Variants in SNTG1 observed in about 807,000 individuals in gnomAD.
The protein encoded by SNTG1 is syntrophin gamma 1, also known as gamma-1-syntrophin.
In SNTG1, 39 loss-of-function variants were observed where a neutral mutation model predicts 74.7. The ratio of observed to expected loss-of-function variants is 0.52; its 90% CI spans 0.40 to 0.68. The LOEUF (loss-of-function observed/expected upper bound fraction) is 0.68, where lower values mean the gene tolerates loss of function less well. Among genes scored for constraint, SNTG1 ranks in the 30% least tolerant of loss-of-function variants. The probability of loss-of-function intolerance (pLI) is 0.00; values close to 1 mark genes in which losing one functional copy is unlikely to be tolerated. For synonymous variants in SNTG1, 254 were observed against 217.1 expected (o/e 1.17, Z -1.49); for missense variants, 685 against 609.5 (o/e 1.12, Z -1.30).
intron 13 of SNTG1, among the ~76,000 whole-genome samples, chr8:50,610,303 A>G (rs1471808084): frequency 6.6e-6 from 1 of 152,138 alleles, no homozygotes; most frequent in African/African-American, 2.4e-5. Flanking sequence ...TCTTACACCC[A>G]TAGGATTCCA....
At chr8:50,604,141 G>A (rs1359001269) in intron 13 of SNTG1, among the ~76,000 whole-genome samples, 1 of 152,184 alleles carries the variant, frequency 6.6e-6, no homozygotes, top group African/African-American at 2.4e-5. Context: ...GAAATCTACT[G>A]GGTACAGAGG....
chr8:50,733,605 T>A (rs1243451643), intron 17 of SNTG1, among the ~76,000 whole-genome samples: 1 of 151,988 alleles, frequency 6.6e-6, no homozygotes, highest in Admixed American at 6.6e-5. Context: ...GTTTTTGACA[T>A]TTTAATAATA....
intron 2 of SNTG1, among the ~76,000 whole-genome samples, chr8:50,293,184 G>T (rs144515623): frequency 1.4e-3 from 216 of 152,182 alleles, no homozygotes; most frequent in African/African-American, 4.9e-3. Flanking sequence ...AACACTGATT[G>T]GTTTAAACAA....
chr8:50,720,537 T>A (rs1176825199), intron 17 of SNTG1, among the ~76,000 whole-genome samples: 1 of 152,198 alleles, frequency 6.6e-6, no homozygotes, highest in East Asian at 1.9e-4. Context: ...ATTGGGTAGG[T>A]ACTTTCATGC....
In SNTG1 at chr8:50,786,714, G is replaced by A. The variant is rs117071780; in HGVS notation, c.1396-5957G>A. 2.9e-3 allele frequency among the ~76,000 whole-genome samples: 443 copies of A among 152,008 alleles called. 4 individuals are homozygous for A. Among genetic ancestry groups the A allele is most frequent in the Admixed American group, 0.025 (379 of 15,254 alleles). Reference sequence around the variant, plus strand: ...TATTTATTGTTAACTGTCTTTTACCGTGCTTTTCAACACAGCAGAATGTGG... The same window carrying A: ...TATTTATTGTTAACTGTCTTTTACCATGCTTTTCAACACAGCAGAATGTGG... On this transcript the variant is annotated intron_variant, in intron 18 of 18. Coordinates refer to ENST00000642720, the MANE Select transcript of SNTG1 (RefSeq NM_018967.5).
At chr8:49,944,992 T>C (rs1318113978) in intron 1 of SNTG1, among the ~76,000 whole-genome samples, 3 of 152,056 alleles carry the variant, frequency 2.0e-5, no homozygotes, top group Non-Finnish European at 4.4e-5. Context: ...GTTTCACCAG[T>C]TGGGCAGGCT....
intron 8 of SNTG1, among the ~76,000 whole-genome samples, chr8:50,459,761 T>C (rs1476973490): frequency 6.6e-6 from 1 of 152,170 alleles, no homozygotes; most frequent in Non-Finnish European, 1.5e-5. Flanking sequence ...AAAGAACATG[T>C]AGTATTTGGT....
intron 1 of SNTG1, among the ~76,000 whole-genome samples, chr8:50,017,268 A>G (rs1047305679): frequency 3.3e-5 from 5 of 152,230 alleles, no homozygotes; most frequent in African/African-American, 1.2e-4. Flanking sequence ...TAGCTTAACA[A>G]AAAATATAGA....
chr8:50,501,837 T>C (rs2093961121), intron 8 of SNTG1, among the ~76,000 whole-genome samples: 1 of 151,988 alleles, frequency 6.6e-6, no homozygotes, highest in Non-Finnish European at 1.5e-5. Flanking sequence ...GTTGAACAAG[T>C]TTTCTATGTA....
intron 13 of SNTG1, among the ~76,000 whole-genome samples, chr8:50,597,280 C>CAT (rs575520281): frequency 4.7e-5 from 7 of 149,728 alleles, no homozygotes; most frequent in South Asian, 2.1e-4. Flanking sequence ...AGAATATATA[C>CAT]ATATATATAT....
chr8:50,456,348 C>T (rs896912748), intron 8 of SNTG1, among the ~76,000 whole-genome samples: 3 of 151,898 alleles, frequency 2.0e-5, no homozygotes, highest in Non-Finnish European at 4.4e-5. Context: ...TCAGCTGTAA[C>T]AAAATACTTG....
At chr8:50,756,406 G>C (rs2095580618) in intron 18 of SNTG1, among the ~76,000 whole-genome samples, 1 of 151,758 alleles carries the variant, frequency 6.6e-6, no homozygotes. Context: ...TTGGAGCTGT[G>C]TTCCATTTGG....
At chr8:50,063,886 A>G (rs1011725131) in intron 1 of SNTG1, among the ~76,000 whole-genome samples, 4 of 152,228 alleles carry the variant, frequency 2.6e-5, no homozygotes, top group Admixed American at 1.3e-4. Context: ...CCACATTTAC[A>G]TATCTCAAGC....
At chr8:50,773,670 TC>T (rs2095632940) in intron 18 of SNTG1, among the ~76,000 whole-genome samples, 1 of 152,092 alleles carries the variant, frequency 6.6e-6, no homozygotes, top group African/African-American at 2.4e-5. Flanking sequence ...CCAAGAATAT[TC>T]TTTGAAATGC....
intron 18 of SNTG1, among the ~76,000 whole-genome samples, chr8:50,759,013 G>A (rs778990270): frequency 9.9e-5 from 15 of 152,060 alleles, no homozygotes; most frequent in African/African-American, 1.7e-4. Flanking sequence ...TCTAACTGAC[G>A]TGAGATGGTA....
At chr8:50,220,928 G>C (rs2085032946) in intron 2 of SNTG1, among the ~76,000 whole-genome samples, 1 of 152,108 alleles carries the variant, frequency 6.6e-6, no homozygotes, top group Non-Finnish European at 1.5e-5. Context: ...AATCACCCAT[G>C]AGTGAATTCA....
intron 12 of SNTG1, among the ~76,000 whole-genome samples, chr8:50,582,543 G>GGT (rs139890968): frequency 1.1e-4 from 16 of 150,998 alleles, no homozygotes; most frequent in African/African-American, 2.9e-4. Flanking sequence ...TGGGTGTGTG[G>GGT]GTGTGTGTGT....
chr8:49,987,556 A>G (rs879277024), intron 1 of SNTG1, among the ~76,000 whole-genome samples: 4 of 152,156 alleles, frequency 2.6e-5, no homozygotes, highest in Non-Finnish European at 4.4e-5. Flanking sequence ...TATAGTTGTG[A>G]AATTATCCTG....
intron 1 of SNTG1, among the ~76,000 whole-genome samples, chr8:50,092,925 A>C (rs2079793140): frequency 6.6e-6 from 1 of 152,182 alleles, no homozygotes; most frequent in Admixed American, 6.5e-5. Context: ...TAAAAGTATT[A>C]TAATTTACAT....
Sources: gnomAD v4.1 joint callset for allele counts (sites outside exome capture counted in the v4.1 genomes callset) on GRCh38, gnomAD v4.1.1 for gene constraint, MANE v1.5 for transcripts, NCBI Gene and HGNC (gene_info 2026-07-23, HGNC 2026-07-21) for gene names.